SLCO3A1: variants seen among roughly 807,000 people sequenced by gnomAD.
SLCO3A1 encodes the protein solute carrier organic anion transporter family member 3A1.
Under a neutral mutation model 63.1 loss-of-function variants are expected in SLCO3A1, and 27 were observed. The ratio of observed to expected loss-of-function variants is 0.43; its 90% CI spans 0.32 to 0.59. The LOEUF is 0.59. SLCO3A1 is among the 20% of genes least tolerant of loss of function. SLCO3A1 has a pLI of 0.09. For missense variants in SLCO3A1, 773 were observed against 945.8 expected (o/e 0.82, Z 2.40); for synonymous variants, 473 against 409.9 (o/e 1.15, Z -1.86).
chr15:91,921,712 T>C (rs986888723), intron 2 of SLCO3A1, among the ~76,000 whole-genome samples: 1 of 150,030 alleles, frequency 6.7e-6, no homozygotes. Context: ...ATAAAATTTA[T>C]TCAGATTTCT....
chr15:91,951,512 G>A (rs1329927395), intron 2 of SLCO3A1, among the ~76,000 whole-genome samples: 2 of 151,210 alleles, frequency 1.3e-5, no homozygotes, highest in African/African-American at 4.9e-5. Context: ...AGGCTCCTCC[G>A]ATCACTCGTG....
intron 2 of SLCO3A1, among the ~76,000 whole-genome samples, chr15:92,014,046 C>T (rs2046398231): frequency 6.6e-6 from 1 of 152,184 alleles, no homozygotes; most frequent in African/African-American, 2.4e-5. Flanking sequence ...CACAATCTTA[C>T]CCCCAGTGAG....
intron 1 of SLCO3A1, among the ~76,000 whole-genome samples, chr15:91,890,597 A>G (rs1897846751): frequency 6.6e-6 from 1 of 152,230 alleles, no homozygotes; most frequent in South Asian, 2.1e-4. Context: ...TCCCATGAAG[A>G]GACTTAACTG....
intron 3 of SLCO3A1, chr15:92,098,009 G>A (rs1272296562): frequency 1.3e-5 from 2 of 152,242 alleles, no homozygotes; most frequent in African/African-American, 4.8e-5. Flanking sequence ...GGCATTAATA[G>A]GCAAGGGCCA....
intron 2 of SLCO3A1, among the ~76,000 whole-genome samples, chr15:91,919,751 T>C (rs553925176): frequency 6.6e-6 from 1 of 152,112 alleles, no homozygotes; most frequent in Non-Finnish European, 1.5e-5. Context: ...TTCATTAGGT[T>C]GCCCCCCTTT....
At chr15:91,937,683 C>CA (rs1300791737) in intron 2 of SLCO3A1, among the ~76,000 whole-genome samples, 1 of 147,488 alleles carries the variant, frequency 6.8e-6, no homozygotes, top group Non-Finnish European at 1.5e-5. Context: ...CATGCTACTA[C>CA]ACTCCAGCCC....
chr15:91,902,495 T>C (rs534438757), intron 1 of SLCO3A1, among the ~76,000 whole-genome samples: 1 of 152,092 alleles, frequency 6.6e-6, no homozygotes, highest in East Asian at 1.9e-4. Context: ...TCAGGGTAGC[T>C]GAGGGGGATT....
rs903628291 is a variant in SLCO3A1 at position 91,916,354 on chromosome 15, T to C, written c.542T>C (p.Ile181Thr). The change falls in exon 2 of 10, where the codon ATT becomes ACT. Residue 181 changes from isoleucine (I) to threonine (T), a missense_variant. Physicochemically the swap from Ile to Thr is moderately conservative, Grantham distance 89. This residue lies in a region of SLCO3A1 where 565 missense variants were observed against 749.8 expected (regional missense o/e 0.75). Coordinates refer to ENST00000318445, the MANE Select transcript of SLCO3A1 (RefSeq NM_013272.4). The surrounding 1 kb of genome is among the most constrained non-coding windows in gnomAD (Gnocchi z 6.2). Reference protein sequence around the residue: ...TATNMMYLLLIGAQVLLGIGA... With the variant: ...TATNMMYLLLTGAQVLLGIGA... ...ACCAACATGATGTACTTGCTGCTCA[T>C]TGGGGCCCAGGTGCTCCTGGGCATC... 4 of 1,611,252 alleles carry C rather than the reference T, an allele frequency of 2.5e-6. No homozygotes were observed. Among genetic ancestry groups the C allele is most frequent in the East Asian group, 2.2e-5 (1 of 44,800 alleles).
chr15:92,025,985 T>C lies in SLCO3A1; in HGVS notation c.647-68896T>C, dbSNP rs578106456. ...TGATCTGCTGTTGGCACTGATTGTT[T>C]ACATATCTCAGTCCTTTGGCCTGTT... On this transcript the variant is annotated intron_variant, in intron 2 of 9. Transcript: ENST00000318445. 4.6e-5 allele frequency among the ~76,000 whole-genome samples: 7 copies of C among 152,314 alleles called. No homozygotes were observed. In the South Asian group the frequency reaches 1.2e-3, roughly 27 times the overall value.
intron 2 of SLCO3A1, among the ~76,000 whole-genome samples, chr15:92,062,202 G>T (rs191696310): frequency 2.0e-5 from 3 of 152,354 alleles, no homozygotes; most frequent in Admixed American, 2.0e-4. Context: ...TTCTGATTCT[G>T]TTCCGGGAAG....
chr15:91,934,344 G>T (rs1417106548), intron 2 of SLCO3A1, among the ~76,000 whole-genome samples: 1 of 152,166 alleles, frequency 6.6e-6, no homozygotes, highest in Non-Finnish European at 1.5e-5. Context: ...AAATGGCTAG[G>T]CAGTGAATGG....
At chr15:92,023,196 C>A (rs760822389) in intron 2 of SLCO3A1, among the ~76,000 whole-genome samples, 7 of 152,144 alleles carry the variant, frequency 4.6e-5, no homozygotes, top group Non-Finnish European at 1.0e-4. Flanking sequence ...TTGATATTTC[C>A]CTGCAGCCTT....
intron 1 of SLCO3A1, among the ~76,000 whole-genome samples, chr15:91,866,837 C>T (rs1248004526): frequency 6.6e-6 from 1 of 152,002 alleles, no homozygotes; most frequent in African/African-American, 2.4e-5. Context: ...AGTTGTATTA[C>T]AATAGACCAG....
At position 92,171,864 on chromosome 15, in the gene SLCO3A1, G is replaced by A. The variant is rs910016251; in HGVS notation, c.*2G>A. 6.5e-6 allele frequency: 10 copies of A among 1,550,194 alleles called. No individual in the cohort carries two copies. In the African/African-American group the frequency reaches 6.9e-5, roughly 11 times the overall value. ...GAAGACTCCTTTGTGAGAAGCTGAG[G>A]GCCTGGCCCTCTTCCTCTTCCTGGA... On this transcript the variant is annotated 3_prime_UTR_variant, in exon 11 of 11. Transcript: ENST00000424469.
intron 2 of SLCO3A1, among the ~76,000 whole-genome samples, chr15:92,057,353 G>A (rs564112656): frequency 8.5e-5 from 13 of 152,324 alleles, no homozygotes; most frequent in African/African-American, 2.2e-4. Context: ...TACTGTATTC[G>A]TTTTCTTATT....
At chr15:92,031,097 A>G (rs889786616) in intron 2 of SLCO3A1, among the ~76,000 whole-genome samples, 1 of 152,148 alleles carries the variant, frequency 6.6e-6, no homozygotes, top group African/African-American at 2.4e-5. Flanking sequence ...TTTTAAAGAA[A>G]TGTTCTGCAC....
At chr15:91,880,401 C>CTGTGTGTGTGTGTG (rs796110200) in intron 1 of SLCO3A1, among the ~76,000 whole-genome samples, 14,645 of 132,522 alleles carry the variant, frequency 0.11, 1,066 homozygotes, top group East Asian at 0.34. Context: ...CTCTCTCTCT[C>CTGTGTGTGTGTGTG]TCTCTCTCTG....
intron 1 of SLCO3A1, among the ~76,000 whole-genome samples, chr15:91,899,083 C>T (rs1898083546): frequency 6.6e-6 from 1 of 152,172 alleles, no homozygotes; most frequent in African/African-American, 2.4e-5. Flanking sequence ...GAGGTTTAAA[C>T]AGCATTGGAA....
At chr15:92,018,750 A>G (rs57163574) in intron 2 of SLCO3A1, among the ~76,000 whole-genome samples, 1 of 151,994 alleles carries the variant, frequency 6.6e-6, no homozygotes, top group African/African-American at 2.4e-5. Context: ...AGAGGGGATC[A>G]CGGGGTGGGT....
Sources: allele counts gnomAD v4.1 joint callset (sites outside exome capture counted in the v4.1 genomes callset), GRCh38; gene constraint gnomAD v4.1.1; regional missense constraint gnomAD v4.1.1; non-coding constraint Gnocchi (gnomAD v3.1); transcripts MANE v1.5; gene names NCBI Gene and HGNC (gene_info 2026-07-23, HGNC 2026-07-21).